The following CCDC180 variants were observed in gnomAD, a reference collection of about 807,000 sequenced individuals.
CCDC180 encodes the protein coiled-coil domain-containing protein 180.
Under a neutral mutation model 209.2 loss-of-function variants are expected in CCDC180, and 154 were observed. The observed-to-expected ratio is 0.74, with a 90% confidence interval of 0.65 to 0.84. The LOEUF (loss-of-function observed/expected upper bound fraction) is 0.84, where lower values mean the gene tolerates loss of function less well. Among genes scored for constraint, CCDC180 ranks in the 40% least tolerant of loss-of-function variants. The pLI, the probability that CCDC180 is intolerant of heterozygous loss-of-function variation, is 0.00. For synonymous variants in CCDC180, 778 were observed against 749.1 expected (o/e 1.04, Z -0.63); for missense variants, 1,874 against 1,997.3 (o/e 0.94, Z 1.18).
chr9:97,312,281 C>A (rs1477250088), intron 4 of CCDC180, 80 bp downstream of exon 4: 5 of 1,236,816 alleles, frequency 4.0e-6, no homozygotes, highest in African/African-American at 1.5e-5. Context: ...CGTCTCCTGG[C>A]AACTCCTCTG....
chr9:97,312,245 G>T, intron 4 of CCDC180, 44 bp downstream of exon 4: 1 of 1,550,242 alleles, frequency 6.5e-7, no homozygotes, highest in East Asian at 2.2e-5. Flanking sequence ...CCTGGGCCAG[G>T]ATGAGACCTG....
chr9:97,338,935 T>A (rs963350359), intron 18 of CCDC180, among the ~76,000 whole-genome samples: 2 of 152,238 alleles, frequency 1.3e-5, no homozygotes, highest in African/African-American at 4.8e-5. Context: ...TCTCTTTTGA[T>A]CTTTGTTGGT....
chr9:97,346,357 T>C (rs190423139), intron 19 of CCDC180, among the ~76,000 whole-genome samples: 2 of 152,360 alleles, frequency 1.3e-5, no homozygotes, highest in East Asian at 3.9e-4. Context: ...TTGTTTCTTG[T>C]TATTGCATTG....
intron 21 of CCDC180, 59 bp from the exon 22 acceptor site, chr9:97,350,350 T>A (rs1826388738): frequency 5.3e-6 from 8 of 1,502,122 alleles, no homozygotes; most frequent in Admixed American, 4.0e-5. Context: ...CACCTGCCCC[T>A]CCCTTGTCCC....
chr9:97,370,021 C>T lies in CCDC180; in HGVS notation c.4289C>T (p.Thr1430Ile), dbSNP rs571225137. Residue 1430 changes from threonine (T) to isoleucine (I), a missense_variant, in exon 32 of 37, where the codon ACC (threonine) becomes ATC (isoleucine). Transcript: ENST00000529487. ...FKEHHWKKFF[T>I]SVKEIRGQFE... ...GAACACCACTGGAAAAAGTTTTTCA[C>T]CTCTGTGAAGGAGATCCGAGGACAG... 44 of 1,614,184 alleles carry T rather than the reference C, an allele frequency of 2.7e-5. 1 individual carries two copies. In the South Asian group the frequency reaches 4.6e-4, roughly 17 times the overall value.
At chr9:97,333,107 G>A (rs943188699) in intron 18 of CCDC180, among the ~76,000 whole-genome samples, 1 of 152,176 alleles carries the variant, frequency 6.6e-6, no homozygotes, top group African/African-American at 2.4e-5. Context: ...AGCCTCTTCT[G>A]TGTCTATTGA....
In CCDC180 at chr9:97,327,282, TA is replaced by T. The variant is rs1442289175; in HGVS notation, c.1661+614del. Among the ~76,000 whole-genome samples, 4 of 152,346 alleles carry T rather than the reference TA, an allele frequency of 2.6e-5. No homozygotes were observed. In the East Asian group the frequency reaches 7.7e-4, roughly 29 times the overall value. On this transcript the variant is annotated intron_variant, in intron 15 of 36. Transcript: ENST00000529487. ...TCATTCCTGCCCACTTTTCCTTTTT[TA>T]TGGGCATATACATTTATATATATGA...
At position 97,326,255 on chromosome 9, in the gene CCDC180, C is replaced by T. The variant is rs112061763; in HGVS notation, c.1546-299C>T. On this transcript the variant is annotated intron_variant, in intron 14 of 36. Transcript: ENST00000529487. ...AGAAGAGCGAGGAGCAGGTGTAGTG[C>T]AGGCCTGACCAGGTGGGCGGGTGTG... is the stretch of plus-strand genomic sequence containing the variant. 8.2e-3 allele frequency among the ~76,000 whole-genome samples: 1,243 copies of T among 152,276 alleles called. 13 individuals carry two copies. The highest frequency in any genetic ancestry group is 0.028 in the African/African-American group (1,168 of 41,548).
intron 18 of CCDC180, among the ~76,000 whole-genome samples, chr9:97,342,050 C>T (rs1156556895): frequency 6.6e-6 from 1 of 152,192 alleles, no homozygotes; most frequent in Admixed American, 6.5e-5. Context: ...GTTTAGGTGG[C>T]AGTGTTCTGA....
At chr9:97,333,101 T>C (rs1353380611) in intron 18 of CCDC180, among the ~76,000 whole-genome samples, 1 of 152,230 alleles carries the variant, frequency 6.6e-6, no homozygotes, top group Non-Finnish European at 1.5e-5. Context: ...ATCAAAAGCC[T>C]CTTCTGTGTC....
At position 97,343,679 on chromosome 9, in the gene CCDC180, A is replaced by C. The variant is rs1193720337; in HGVS notation, c.2498+116A>C. ...ATCAGTTGGATAAAGAAAAAAATGT[A>C]GGTAACTGAAGGAAGGTAGGGGTGA... On this transcript the variant is annotated intron_variant, in intron 19 of 36. Coordinates refer to ENST00000529487, the MANE Select transcript of CCDC180 (RefSeq NM_020893.6). 9.2e-5 allele frequency: 70 copies of C among 761,296 alleles called. No homozygotes were observed. In the East Asian group the frequency reaches 1.8e-3, roughly 20 times the overall value. 47.2% of individuals were successfully genotyped at this position (761,296 alleles called of 1,614,324 possible). A position where few individuals can be genotyped will look rare whatever the true frequency, so the allele number is the denominator to read the frequency against.
intron 19 of CCDC180, among the ~76,000 whole-genome samples, chr9:97,345,008 CAT>C (rs1826205287): frequency 6.6e-6 from 1 of 152,110 alleles, no homozygotes; most frequent in African/African-American, 2.4e-5. Flanking sequence ...GTTTATGAGA[CAT>C]ATATATTATT....
intron 16 of CCDC180, among the ~76,000 whole-genome samples, chr9:97,329,255 G>T (rs143140476): frequency 6.6e-6 from 1 of 152,190 alleles, no homozygotes; most frequent in African/African-American, 2.4e-5. Context: ...AAAGGTATAG[G>T]CACCATTATG....
intron 15 of CCDC180, 92 bp downstream of exon 15, chr9:97,326,761 C>T (rs1564153847): frequency 1.3e-6 from 1 of 771,770 alleles, no homozygotes. Flanking sequence ...CAGGAGCCTG[C>T]CAGCTTAAGA....
intron 20 of CCDC180, 131 bp downstream of exon 20, chr9:97,347,620 T>C (rs539100255): frequency 6.9e-6 from 6 of 868,834 alleles, no homozygotes; most frequent in African/African-American, 3.4e-5. Flanking sequence ...CATCACACCA[T>C]GGAAGATGTA....
chr9:97,317,289 G>T (rs766087303), intron 9 of CCDC180, 61 bp downstream of exon 9: 3 of 1,394,928 alleles, frequency 2.2e-6, no homozygotes, highest in Non-Finnish European at 2.8e-6. Context: ...AAGGGTAGGG[G>T]CGGCATTCTC....
chr9:97,330,797 A>G (rs1295003422), intron 18 of CCDC180, 30 bp downstream of exon 18: 1 of 1,568,274 alleles, frequency 6.4e-7, no homozygotes, highest in Non-Finnish European at 8.6e-7. Context: ...ATTCTTGGGC[A>G]TAGAGAAAGT....
intron 12 of CCDC180, among the ~76,000 whole-genome samples, chr9:97,323,454 G>C (rs2118622633): frequency 6.6e-6 from 1 of 152,300 alleles, no homozygotes; most frequent in African/African-American, 2.4e-5. Flanking sequence ...CTTGTTCTCT[G>C]GGTTAGGGGA....
chr9:97,342,304 T>C (rs955745859), intron 18 of CCDC180, among the ~76,000 whole-genome samples: 1 of 152,198 alleles, frequency 6.6e-6, no homozygotes, highest in Non-Finnish European at 1.5e-5. Flanking sequence ...TTTGGCCATC[T>C]TGGAATGGAC....
Sources: allele counts gnomAD v4.1 joint callset (sites outside exome capture counted in the v4.1 genomes callset), GRCh38; gene constraint gnomAD v4.1.1; transcripts MANE v1.5; gene names NCBI Gene and HGNC (gene_info 2026-07-23, HGNC 2026-07-21).